The following NCS1 variants were observed in gnomAD, a reference collection of about 807,000 sequenced individuals.
The protein encoded by NCS1 is neuronal calcium sensor 1, also known as frequenin homolog.
A neutral mutation model predicts 28.4 loss-of-function variants in NCS1; 6 were observed. The observed-to-expected ratio is 0.21, with a 90% CI of 0.12 to 0.42. The LOEUF (loss-of-function observed/expected upper bound fraction) is 0.42. NCS1 is among the 10% of genes least tolerant of loss of function. NCS1 has a pLI of 1.00. For missense variants in NCS1, 131 were observed against 241.4 expected (o/e 0.54, Z 3.03); for synonymous variants, 86 against 99.3 (o/e 0.87, Z 0.79).
intron 1 of NCS1, among the ~76,000 whole-genome samples, chr9:130,174,672 A>G (rs1832536043): frequency 6.6e-6 from 1 of 151,812 alleles, no homozygotes; most frequent in African/African-American, 2.4e-5. Flanking sequence ...TTAGCTGGGC[A>G]TGGTGGCACA....
intron 1 of NCS1, among the ~76,000 whole-genome samples, chr9:130,190,912 GGGC>G: frequency 1.3e-5 from 2 of 152,292 alleles, no homozygotes; most frequent in Middle Eastern, 6.8e-3. Context: ...GAGGGAAACG[GGGC>G]TTTGATTTTG....
intron 7 of NCS1, among the ~76,000 whole-genome samples, chr9:130,227,022 C>CA (rs782338218): frequency 0.12 from 4,836 of 41,788 alleles, 159 homozygotes; most frequent in African/African-American, 0.15. Flanking sequence ...GACTCCATCT[C>CA]AAAAAAAAAA....
In NCS1 at chr9:130,217,921, A is replaced by AC; in HGVS notation, c.183dup (p.Thr62HisfsTer12). 6.2e-7 allele frequency: 1 copy of AC among 1,614,010 alleles called. No homozygotes were observed. The highest frequency in any genetic ancestry group is 8.5e-7 in the Non-Finnish European group (1 of 1,179,974). On this transcript the variant is annotated frameshift_variant, in exon 3 of 8. Coordinates refer to ENST00000372398, the MANE Select transcript of NCS1 (RefSeq NM_014286.4). LOFTEE classifies it high-confidence loss of function. ...TACAAGCAATTCTTCCCGTTCGGAG[A>AC]CCCCACCAAGTTTGCCACATTTGTT...
intron 1 of NCS1, among the ~76,000 whole-genome samples, chr9:130,197,167 C>T (rs1832887013): frequency 6.6e-6 from 1 of 152,154 alleles, no homozygotes; most frequent in African/African-American, 2.4e-5. Context: ...ATTTCACGAT[C>T]GAAGGCAGGG....
At chr9:130,227,368 T>C (rs1833430213) in intron 7 of NCS1, among the ~76,000 whole-genome samples, 1 of 152,248 alleles carries the variant, frequency 6.6e-6, no homozygotes, top group Admixed American at 6.5e-5. Flanking sequence ...ATCAGCGTTC[T>C]TGTCCACGTC....
intron 4 of NCS1, among the ~76,000 whole-genome samples, chr9:130,221,573 A>G (rs2131154831): frequency 6.9e-6 from 1 of 144,730 alleles, no homozygotes; most frequent in South Asian, 2.1e-4. Flanking sequence ...CTGGAACTAC[A>G]GGCGCCCGCC....
Position 130,232,005 on chromosome 9 carries a change from G to A in NCS1, c.*18-985G>A, listed in dbSNP as rs1004496747. Among the ~76,000 whole-genome samples, 8 of 152,064 alleles carry A rather than the reference G, an allele frequency of 5.3e-5. No homozygotes were observed. Among genetic ancestry groups the A allele is most frequent in the Non-Finnish European group, 1.2e-4 (8 of 68,030 alleles). ...TCTGTCTCCCAGGCTGGAGTGCAGTGATGCAATCTCGGCTCACTGCAACCT... is the reference window on the plus strand; with the variant it reads ...TCTGTCTCCCAGGCTGGAGTGCAGTAATGCAATCTCGGCTCACTGCAACCT... On this transcript the variant is annotated intron_variant, in intron 7 of 7. Transcript: ENST00000372398. The surrounding 1 kb of genome is among the most constrained non-coding windows in gnomAD (Gnocchi z 4.4).
At chr9:130,208,374 G>A (rs1427422530) in intron 2 of NCS1, among the ~76,000 whole-genome samples, 1 of 152,030 alleles carries the variant, frequency 6.6e-6, no homozygotes, top group African/African-American at 2.4e-5. Context: ...TGCCTCCTGG[G>A]TTCAAACGAT....
chr9:130,230,661 A>G (rs1833488393), intron 7 of NCS1, among the ~76,000 whole-genome samples: 1 of 151,628 alleles, frequency 6.6e-6, no homozygotes, highest in South Asian at 2.1e-4. Flanking sequence ...GTGAACTAGG[A>G]TTGTACCACT....
At position 130,226,325 on chromosome 9, in the gene NCS1, T is replaced by G; in HGVS notation, c.475-64T>G. ...AGGGCTCTTGGGACCGGCCCTGGGC[T>G]GGGCTTGTCTAGAGCCCTCTCCTGG... On this transcript the variant is annotated intron_variant, in intron 6 of 7. Transcript: ENST00000372398. The surrounding 1 kb of genome is among the most constrained non-coding windows in gnomAD (Gnocchi z 4.8). 2 of 1,419,464 alleles carry G rather than the reference T, an allele frequency of 1.4e-6. No individual in the cohort carries two copies. Among genetic ancestry groups the G allele is most frequent in the Non-Finnish European group, 2.0e-6 (2 of 1,008,528 alleles). The allele number at this position is 1,419,464 out of a possible 1,614,324, so 87.9% of individuals were successfully genotyped here.
At chr9:130,207,082 C>T (rs1007370890) in intron 2 of NCS1, among the ~76,000 whole-genome samples, 2 of 152,198 alleles carry the variant, frequency 1.3e-5, no homozygotes, top group African/African-American at 2.4e-5. Flanking sequence ...GCCAGCCTGC[C>T]TCCCCCAGAC....
intron 7 of NCS1, among the ~76,000 whole-genome samples, chr9:130,230,180 G>A (rs1338858533): frequency 3.3e-5 from 5 of 152,050 alleles, no homozygotes; most frequent in Non-Finnish European, 7.4e-5. Context: ...GTGAAACCCC[G>A]TCTCTACAAA....
chr9:130,189,872 AAAAAAAAATATATATATATATAT>A (rs1367817459), intron 1 of NCS1, among the ~76,000 whole-genome samples: 3 of 100,934 alleles, frequency 3.0e-5, no homozygotes, highest in African/African-American at 1.5e-4. Flanking sequence ...AAAAAAAAAA[AAAAAAAAATATATATATATATAT>A]ATATATATAT....
chr9:130,180,794 C>T lies in NCS1; in HGVS notation c.64+8067C>T, dbSNP rs1195505669. Among the ~76,000 whole-genome samples the T allele has an allele frequency of 2.6e-5, 4 of 152,200 alleles. No individual in the cohort carries two copies. The highest frequency in any genetic ancestry group is 9.7e-5 in the African/African-American group (4 of 41,444). On this transcript the variant is annotated intron_variant, in intron 1 of 7. Transcript: ENST00000372398. The surrounding 1 kb of genome is among the most constrained non-coding windows in gnomAD (Gnocchi z 4.5). ...CAGGGACAGCCGTTCTTGGCCACTCCCCTGGGCAATCACAGAGTGAGCTGT... is the reference window on the plus strand; with the variant it reads ...CAGGGACAGCCGTTCTTGGCCACTCTCCTGGGCAATCACAGAGTGAGCTGT...
chr9:130,223,208 G>C, intron 6 of NCS1, 49 bp downstream of exon 6: 1 of 1,563,486 alleles, frequency 6.4e-7, no homozygotes, highest in South Asian at 1.1e-5. Context: ...GCAAGGTGTC[G>C]GGGGCAGGAA....
intron 2 of NCS1, among the ~76,000 whole-genome samples, chr9:130,203,764 A>G (rs1832988769): frequency 6.6e-6 from 1 of 152,182 alleles, no homozygotes; most frequent in Non-Finnish European, 1.5e-5. Flanking sequence ...CCAGGCTCTC[A>G]GACACAGCCT....
intron 2 of NCS1, among the ~76,000 whole-genome samples, chr9:130,201,419 T>A (rs929532): frequency 0.93 from 142,027 of 152,238 alleles, 66,339 homozygotes; most frequent in East Asian, 1. Context: ...GCCAGCTCTA[T>A]TCAATCTGTC....
chr9:130,215,053 A>G lies in NCS1; in HGVS notation c.90-2779A>G, dbSNP rs1554909182. ...TTTTGTTTTGTCTTTATTGTTTTTA[A>G]TAACCTTTTAGAATCACTCAAGTAA... On this transcript the variant is annotated intron_variant, in intron 2 of 7. Transcript: ENST00000372398. The surrounding 1 kb of genome is among the most constrained non-coding windows in gnomAD (Gnocchi z 4.2). Among the ~76,000 whole-genome samples, 1 of 152,216 alleles carries G rather than the reference A, an allele frequency of 6.6e-6. No individual in the cohort carries two copies. Among genetic ancestry groups the G allele is most frequent in the African/African-American group, 2.4e-5 (1 of 41,448 alleles).
intron 1 of NCS1, among the ~76,000 whole-genome samples, chr9:130,173,768 C>T (rs1190321526): frequency 6.6e-6 from 1 of 152,196 alleles, no homozygotes; most frequent in African/African-American, 2.4e-5. Flanking sequence ...TGACCGCCAG[C>T]CCCATGTGTT....
Sources: allele counts gnomAD v4.1 joint callset (sites outside exome capture counted in the v4.1 genomes callset), GRCh38; gene constraint gnomAD v4.1.1; non-coding constraint Gnocchi (gnomAD v3.1); transcripts MANE v1.5; gene names NCBI Gene and HGNC (gene_info 2026-07-23, HGNC 2026-07-21).